Variants in CDIN1 observed in about 807,000 individuals in gnomAD.
The protein encoded by CDIN1 is CDAN1-interacting nuclease 1.
In CDIN1, 33 loss-of-function variants were observed where a neutral mutation model predicts 45.3. The ratio of observed to expected loss-of-function variants is 0.73; its 90% CI spans 0.55 to 0.97. CDIN1 has a LOEUF of 0.97. Ranked by LOEUF, CDIN1 falls within the 50% of genes least tolerant of loss-of-function variation. The probability of loss-of-function intolerance (pLI) is 0.00; values close to 1 mark genes in which losing one functional copy is unlikely to be tolerated. For missense variants in CDIN1, 303 were observed against 339.4 expected, an observed-to-expected ratio of 0.89 and a Z score of 0.84; for synonymous variants, 118 against 124.4, an observed-to-expected ratio of 0.95 and a Z score of 0.34.
intron 5 of CDIN1, among the ~76,000 whole-genome samples, chr15:36,662,642 G>A (rs955402869): frequency 6.6e-6 from 1 of 152,100 alleles, no homozygotes; most frequent in Non-Finnish European, 1.5e-5. Flanking sequence ...AATTCCTTTG[G>A]AATTCATGTT....
chr15:36,800,909 G>GTGTGTGTGTATATA (rs1156514805), intron 10 of CDIN1, among the ~76,000 whole-genome samples: 1 of 22,374 alleles, frequency 4.5e-5, no homozygotes, highest in African/African-American at 9.0e-5. Context: ...GTGTGTGTGT[G>GTGTGTGTGTATATA]TATATATATA....
chr15:36,606,664 C>T (rs1181876018), intron 1 of CDIN1, among the ~76,000 whole-genome samples: 2 of 152,154 alleles, frequency 1.3e-5, no homozygotes, highest in African/African-American at 4.8e-5. Context: ...TCTGTATTTA[C>T]CTGCTTATGA....
chr15:36,625,832 A>G (rs986293960), intron 1 of CDIN1, among the ~76,000 whole-genome samples: 8 of 152,190 alleles, frequency 5.3e-5, no homozygotes, highest in African/African-American at 1.9e-4. Flanking sequence ...ATAGCAAAAT[A>G]CCATAGATTG....
chr15:36,786,273 G>C (rs1336778198), intron 10 of CDIN1, among the ~76,000 whole-genome samples: 6 of 152,062 alleles, frequency 3.9e-5, no homozygotes, highest in African/African-American at 1.4e-4. Flanking sequence ...TTATAACATT[G>C]TTGACACAGT....
chr15:36,801,620 T>C (rs934866980), intron 10 of CDIN1, among the ~76,000 whole-genome samples: 1 of 152,178 alleles, frequency 6.6e-6, no homozygotes, highest in African/African-American at 2.4e-5. Context: ...GAACAAGCTG[T>C]GGCAGTGTTC....
chr15:36,760,740 G>A (rs1001927058), intron 10 of CDIN1, among the ~76,000 whole-genome samples: 3 of 152,156 alleles, frequency 2.0e-5, no homozygotes, highest in African/African-American at 7.2e-5. Flanking sequence ...TGGTGGTGGT[G>A]GTGGTTGAAC....
At chr15:36,592,417 C>T (rs1278219376) in intron 1 of CDIN1, among the ~76,000 whole-genome samples, 5 of 152,216 alleles carry the variant, frequency 3.3e-5, no homozygotes, top group Admixed American at 3.3e-4. Flanking sequence ...AGTTGTTAAG[C>T]CTCACACACC....
At chr15:36,610,204 A>G (rs1042616991) in intron 1 of CDIN1, among the ~76,000 whole-genome samples, 10 of 152,266 alleles carry the variant, frequency 6.6e-5, no homozygotes, top group African/African-American at 2.4e-4. Context: ...GCATCAAAGC[A>G]CAGGGATAAT....
intron 10 of CDIN1, among the ~76,000 whole-genome samples, chr15:36,806,504 A>G (rs77584544): frequency 0.1 from 15,907 of 151,964 alleles, 1,040 homozygotes; most frequent in African/African-American, 0.18. Flanking sequence ...AAATATTAGC[A>G]CCTTTCTGAA....
At chr15:36,580,101 C>A in intron 1 of CDIN1, 140 bp downstream of exon 1, 4 of 700,586 alleles carry the variant, frequency 5.7e-6, no homozygotes, top group Non-Finnish European at 7.1e-6. Flanking sequence ...TCGAGGTTGG[C>A]GAAAAAAGGT....
chr15:36,691,580 AT>A, intron 5 of CDIN1, 104 bp from the exon 6 acceptor site: 1 of 676,614 alleles, frequency 1.5e-6, no homozygotes. Context: ...TGCCAGTCAT[AT>A]TTTTGTTTTC....
chr15:36,611,253 A>G (rs1488859667), intron 1 of CDIN1, among the ~76,000 whole-genome samples: 2 of 152,168 alleles, frequency 1.3e-5, no homozygotes, highest in Admixed American at 1.3e-4. Flanking sequence ...TAGTTCTGAG[A>G]ATAACTGTGT....
At chr15:36,587,090 A>G (rs1428620798) in intron 1 of CDIN1, among the ~76,000 whole-genome samples, 4 of 152,210 alleles carry the variant, frequency 2.6e-5, no homozygotes, top group Non-Finnish European at 4.4e-5. Context: ...AACTCGTGAT[A>G]CCATAAATCG....
At chr15:36,703,370 TC>T (rs1311238217) in intron 8 of CDIN1, among the ~76,000 whole-genome samples, 1,822 of 46,114 alleles carry the variant, frequency 0.04, 100 homozygotes, top group African/African-American at 0.078. Context: ...GATAGATCTA[TC>T]ATATATATAT....
At chr15:36,615,253 G>A (rs2038836932) in intron 1 of CDIN1, among the ~76,000 whole-genome samples, 2 of 152,150 alleles carry the variant, frequency 1.3e-5, no homozygotes, top group South Asian at 4.1e-4. Flanking sequence ...CTGGCAGTTT[G>A]TTGATCTTTT....
intron 10 of CDIN1, among the ~76,000 whole-genome samples, chr15:36,803,959 C>T (rs1047118903): frequency 2.0e-5 from 3 of 152,194 alleles, no homozygotes; most frequent in Non-Finnish European, 4.4e-5. Flanking sequence ...GTCTAACATT[C>T]TATCACCCTG....
At chr15:36,659,966 C>CTTTTTTTTTTTT (rs778988517) in intron 5 of CDIN1, among the ~76,000 whole-genome samples, 85 of 105,098 alleles carry the variant, frequency 8.1e-4, no homozygotes, top group Non-Finnish European at 1.0e-3. Context: ...CCTTCCTTTT[C>CTTTTTTTTTTTT]TTTTTTTTTT....
chr15:36,631,760 G>C (rs1040203234), intron 1 of CDIN1, among the ~76,000 whole-genome samples: 1 of 151,984 alleles, frequency 6.6e-6, no homozygotes, highest in African/African-American at 2.4e-5. Flanking sequence ...AGTTCTCTTG[G>C]GTATAAACCT....
intron 10 of CDIN1, among the ~76,000 whole-genome samples, chr15:36,710,759 A>C (rs1200540721): frequency 1.3e-5 from 2 of 152,204 alleles, no homozygotes; most frequent in African/African-American, 2.4e-5. Context: ...ATACAATAAT[A>C]AAATGACATT....
Sources: allele counts gnomAD v4.1 joint callset (sites outside exome capture counted in the v4.1 genomes callset), GRCh38; gene constraint gnomAD v4.1.1; transcripts MANE v1.5; gene names NCBI Gene and HGNC (gene_info 2026-07-23, HGNC 2026-07-21).